THRAP3: variants seen among roughly 807,000 people sequenced by gnomAD.
The protein encoded by THRAP3 is thyroid hormone receptor-associated protein 3.
THRAP3 carries 16 observed loss-of-function variants against 101.0 expected under a neutral mutation model. The observed-to-expected ratio is 0.16, with a 90% CI of 0.11 to 0.24. The LOEUF is 0.24. Among genes scored for constraint, THRAP3 ranks in the 10% least tolerant of loss-of-function variants. THRAP3 has a pLI of 1.00. For synonymous variants in THRAP3, 407 were observed against 422.6 expected (o/e 0.96, Z 0.45); for missense variants, 989 against 1,202.7 (o/e 0.82, Z 2.63).
At chr1:36,251,837 T>C (rs1169869281) in intron 1 of THRAP3, among the ~76,000 whole-genome samples, 1 of 152,212 alleles carries the variant, frequency 6.6e-6, no homozygotes, top group African/African-American at 2.4e-5. Flanking sequence ...AGGAACAGTT[T>C]TATAGATAAG....
intron 1 of THRAP3, among the ~76,000 whole-genome samples, chr1:36,257,321 C>G (rs1570276919): frequency 6.6e-6 from 1 of 152,154 alleles, no homozygotes; most frequent in African/African-American, 2.4e-5. Flanking sequence ...AATGTCAGTT[C>G]CAGGCATGAA....
At chr1:36,234,147 G>T (rs1645059872) in intron 1 of THRAP3, among the ~76,000 whole-genome samples, 1 of 152,064 alleles carries the variant, frequency 6.6e-6, no homozygotes, top group African/African-American at 2.4e-5. Context: ...TAGAGACAGG[G>T]TTTCACCATG....
Position 36,296,077 on chromosome 1 carries a change from G to A in THRAP3, c.2116-506G>A, listed in dbSNP as rs762433774. On this transcript the variant is annotated intron_variant, in intron 8 of 11. Coordinates refer to ENST00000354618, the MANE Select transcript of THRAP3 (RefSeq NM_005119.4). Reference sequence around the variant, plus strand: ...CAACCTCCACCTCCTGGGTTTAAGCGATTCTTCTGCTTTAGCCTCCCTAGT... The same window carrying A: ...CAACCTCCACCTCCTGGGTTTAAGCAATTCTTCTGCTTTAGCCTCCCTAGT... Among the ~76,000 whole-genome samples, 46 of 146,054 alleles carry A rather than the reference G, an allele frequency of 3.1e-4. 1 individual carries two copies. The highest frequency in any genetic ancestry group is 5.5e-4 in the Non-Finnish European group (37 of 67,486).
intron 4 of THRAP3, 138 bp from the exon 5 acceptor site, chr1:36,288,922 T>C (rs1645829586): frequency 3.2e-5 from 42 of 1,317,718 alleles, no homozygotes; most frequent in African/African-American, 4.5e-5. Flanking sequence ...AGTAACCGCC[T>C]AGAAAGTCCT....
chr1:36,270,829 G>A (rs1452137113), intron 2 of THRAP3, among the ~76,000 whole-genome samples: 2 of 151,910 alleles, frequency 1.3e-5, no homozygotes, highest in African/African-American at 2.4e-5. Context: ...CGCCTGCCTC[G>A]GACTCCCAAA....
intron 1 of THRAP3, among the ~76,000 whole-genome samples, chr1:36,249,380 A>T (rs186204606): frequency 1.5e-3 from 229 of 152,002 alleles, no homozygotes; most frequent in African/African-American, 5.5e-3. Context: ...TTTAGTAGAG[A>T]CAGGGTTTCA....
rs996798567 is a variant in THRAP3 at position 36,289,218 on chromosome 1, A to C, written c.1199A>C (p.Glu400Ala). ...SDSFAPKTDS[E>A]KPFRGSQSPK... ...TCTTTTGCTCCCAAAACTGATTCTG[A>C]GAAGCCTTTTCGGGGCAGTCAGTCT... The change falls in exon 5 of 12, where the codon GAG (glutamate) becomes GCG (alanine). Residue 400 changes from glutamate to alanine, a missense_variant. Glu to Ala is a moderately radical substitution (Grantham distance 107). Coordinates refer to ENST00000354618, the MANE Select transcript of THRAP3 (RefSeq NM_005119.4). The C allele has an allele frequency of 6.2e-7, 1 of 1,614,112 alleles. No individual in the cohort carries two copies. The highest frequency in any genetic ancestry group is 8.5e-7 in the Non-Finnish European group (1 of 1,180,050).
At chr1:36,252,965 TATATAA>T (rs1300540884) in intron 1 of THRAP3, among the ~76,000 whole-genome samples, 29 of 129,970 alleles carry the variant, frequency 2.2e-4, no homozygotes, top group African/African-American at 7.4e-4. Context: ...TATATATATA[TATATAA>T]ATGTAAATAA....
At chr1:36,291,274 T>C in intron 5 of THRAP3, 100 bp from the exon 6 acceptor site, 1 of 1,269,356 alleles carries the variant, frequency 7.9e-7, no homozygotes, top group Non-Finnish European at 1.1e-6. Flanking sequence ...AAAAGAAGTT[T>C]ATAGATAGAT....
chr1:36,243,842 C>T (rs1255831488), intron 1 of THRAP3, among the ~76,000 whole-genome samples: 1 of 145,254 alleles, frequency 6.9e-6, no homozygotes, highest in Non-Finnish European at 1.5e-5. Context: ...CCCACACCTC[C>T]CTCCCGGACG....
intron 2 of THRAP3, 62 bp from the exon 3 acceptor site, chr1:36,282,471 C>G: frequency 8.2e-7 from 1 of 1,226,620 alleles, no homozygotes; most frequent in Non-Finnish European, 1.2e-6. Context: ...CTAAAATGTC[C>G]AAAGAGGTTC....
chr1:36,293,999 A>G, intron 8 of THRAP3, 64 bp downstream of exon 8: 1 of 1,580,216 alleles, frequency 6.3e-7, no homozygotes, highest in South Asian at 1.1e-5. Context: ...ACTTGACAGA[A>G]ATGTGTTTGT....
Position 36,291,489 on chromosome 1 carries a change from C to T in THRAP3, c.1861C>T (p.Arg621Cys). 1 of 1,614,234 alleles carries T rather than the reference C, an allele frequency of 6.2e-7. No homozygotes were observed. The highest frequency in any genetic ancestry group is 8.5e-7 in the Non-Finnish European group (1 of 1,180,036). ...GCACATACAATCAGCTCAGTCTCAG[C>T]GTAGCCCCTCAGAACTGTTTGCCCA... ...FQHIQSAQSQ[R>C]SPSELFAQHI... is the part of the protein sequence containing the mutation. The change falls in exon 6 of 12, where the codon CGT (arginine) becomes TGT (cysteine). Residue 621 changes from arginine (R) to cysteine (C), a missense_variant. Arg to Cys is a radical substitution (Grantham distance 180). Transcript: ENST00000354618.
intron 2 of THRAP3, among the ~76,000 whole-genome samples, chr1:36,262,789 T>TTATTG (rs1016277601): frequency 2.5e-4 from 37 of 150,512 alleles, no homozygotes; most frequent in Non-Finnish European, 4.7e-4. Context: ...TTATTTTATT[T>TTATTG]ATTTATTATT....
intron 1 of THRAP3, among the ~76,000 whole-genome samples, chr1:36,234,609 G>T (rs1471635034): frequency 1.3e-5 from 2 of 151,986 alleles, no homozygotes; most frequent in Non-Finnish European, 2.9e-5. Context: ...GCACTTCTTG[G>T]GTTTGTTTAT....
chr1:36,252,943 T>TGC (rs1645323275), intron 1 of THRAP3, among the ~76,000 whole-genome samples: 3 of 113,344 alleles, frequency 2.6e-5, no homozygotes, highest in African/African-American at 9.8e-5. Flanking sequence ...TATATATATA[T>TGC]ATATATATAT....
At position 36,286,496 on chromosome 1, in the gene THRAP3, G is replaced by A. The variant is rs780550766; in HGVS notation, c.266G>A (p.Arg89His). Residue 89 changes from arginine (R) to histidine (H), a missense_variant, in exon 4 of 12, where the codon CGT (arginine) becomes CAT (histidine). Physicochemically the swap from Arg to His is conservative, Grantham distance 29. Transcript: ENST00000354618. The surrounding 1 kb of genome is among the most constrained non-coding windows in gnomAD (Gnocchi z 5.5). ...GYRRPYYFRG[R>H]NRGFYPWGQY... ...AGAAGGCCCTATTATTTCCGTGGGC[G>A]TAACAGAGGCTTTTATCCATGGGGC... The A allele has an allele frequency of 8.7e-6, 14 of 1,614,154 alleles. No homozygotes were observed. Among genetic ancestry groups the A allele is most frequent in the Non-Finnish European group, 1.2e-5 (14 of 1,180,044 alleles).
At chr1:36,280,430 A>G (rs529674498) in intron 2 of THRAP3, among the ~76,000 whole-genome samples, 159 of 152,312 alleles carry the variant, frequency 1.0e-3, no homozygotes, top group Non-Finnish European at 1.3e-3. Flanking sequence ...AACAAATAAG[A>G]TACATACTGG....
At chr1:36,216,693 G>C in the THRAP3 span, among the ~76,000 whole-genome samples, 1 of 151,942 alleles carries the variant, frequency 6.6e-6, no homozygotes, top group Non-Finnish European at 1.5e-5. Context: ...GCTAAGGTGG[G>C]AGGATTGCTT....
Sources: gnomAD v4.1 joint callset for allele counts (sites outside exome capture counted in the v4.1 genomes callset) on GRCh38, gnomAD v4.1.1 for gene constraint, Gnocchi (gnomAD v3.1) non-coding constraint, MANE v1.5 for transcripts, NCBI Gene and HGNC (gene_info 2026-07-23, HGNC 2026-07-21) for gene names.